KPNA4: variants seen among roughly 807,000 people sequenced by gnomAD.
The protein encoded by KPNA4 is importin subunit alpha-3.
Under a neutral mutation model 71.3 loss-of-function variants are expected in KPNA4, and 13 were observed. The ratio of observed to expected loss-of-function variants is 0.18; its 90% CI spans 0.12 to 0.29. KPNA4 has a LOEUF of 0.29. Among genes scored for constraint, KPNA4 ranks in the 10% least tolerant of loss-of-function variants. The probability of loss-of-function intolerance (pLI) is 1.00; values close to 1 mark genes in which losing one functional copy is unlikely to be tolerated. For synonymous variants in KPNA4, 189 were observed against 195.2 expected, an observed-to-expected ratio of 0.97 and a Z score of 0.26; for missense variants, 334 against 603.2, an observed-to-expected ratio of 0.55 and a Z score of 4.67.
At chr3:160,532,776 A>T (rs1464822035) in intron 5 of KPNA4, among the ~76,000 whole-genome samples, 4 of 152,204 alleles carry the variant, frequency 2.6e-5, no homozygotes, top group Non-Finnish European at 5.9e-5. Flanking sequence ...ACCTAGCTTT[A>T]AACTACTTCA....
At chr3:160,535,082 CTGGA>C (rs1212337166) in intron 5 of KPNA4, among the ~76,000 whole-genome samples, 1 of 152,026 alleles carries the variant, frequency 6.6e-6, no homozygotes, top group Non-Finnish European at 1.5e-5. Flanking sequence ...CATTATAATT[CTGGA>C]TTTATTGTTT....
intron 1 of KPNA4, among the ~76,000 whole-genome samples, chr3:160,540,594 A>G (rs1422035438): frequency 6.6e-6 from 1 of 152,216 alleles, no homozygotes; most frequent in East Asian, 1.9e-4. Context: ...TACTCCAAAC[A>G]ATAGTTGTTC....
intron 5 of KPNA4, among the ~76,000 whole-genome samples, chr3:160,533,420 G>A (rs928093039): frequency 1.3e-5 from 2 of 150,082 alleles, no homozygotes; most frequent in Non-Finnish European, 3.0e-5. Context: ...TCAACACATG[G>A]CACAGTGCTT....
At chr3:160,538,731 T>C (rs1297287332) in intron 1 of KPNA4, among the ~76,000 whole-genome samples, 1 of 152,122 alleles carries the variant, frequency 6.6e-6, no homozygotes, top group African/African-American at 2.4e-5. Flanking sequence ...CCTACCATTA[T>C]CTTCATTCAT....
intron 3 of KPNA4, 29 bp from the exon 4 acceptor site, chr3:160,535,719 G>C: frequency 6.4e-7 from 1 of 1,572,020 alleles, no homozygotes; most frequent in Non-Finnish European, 8.6e-7. Flanking sequence ...AGAAAACTCA[G>C]TTAAAAAGTC....
chr3:160,503,852 A>G (rs1720931147), intron 16 of KPNA4, among the ~76,000 whole-genome samples: 1 of 152,156 alleles, frequency 6.6e-6, no homozygotes, highest in Admixed American at 6.5e-5. Context: ...GGAGGCCAAG[A>G]TGGGAGAATT....
At chr3:160,547,148 A>G (rs1721928535) in intron 1 of KPNA4, among the ~76,000 whole-genome samples, 1 of 152,212 alleles carries the variant, frequency 6.6e-6, no homozygotes, top group South Asian at 2.1e-4. Context: ...CAAATATACA[A>G]ACAAATTTCA....
intron 7 of KPNA4, among the ~76,000 whole-genome samples, chr3:160,529,936 C>A (rs1293165525): frequency 1.3e-5 from 2 of 150,366 alleles, no homozygotes; most frequent in African/African-American, 4.9e-5. Flanking sequence ...GAGACCGAGA[C>A]CATCCTGGCT....
rs1044200207 is a variant in KPNA4, at chr3:160,547,564, T to C, written c.70-10724A>G. ...GTACATTTGTTACAACTGATGAGCC[T>C]ACATGTACTATCACCCACAGTCCAT... On this transcript the variant is annotated intron_variant, in intron 1 of 16. Transcript: ENST00000334256. 3.9e-5 allele frequency among the ~76,000 whole-genome samples: 6 copies of C among 152,234 alleles called. No homozygotes were observed. The South Asian group carries it at 1.2e-3, about 32-fold the overall frequency.
chr3:160,515,660 G>T, intron 11 of KPNA4, 80 bp from the exon 12 acceptor site: 1 of 1,509,306 alleles, frequency 6.6e-7, no homozygotes, highest in Non-Finnish European at 9.0e-7. Context: ...TGTCGCCCAG[G>T]GTAGAGTGCA....
chr3:160,515,603 A>C, intron 11 of KPNA4, 23 bp from the exon 12 acceptor site: 1 of 1,597,984 alleles, frequency 6.3e-7, no homozygotes, highest in Admixed American at 1.8e-5. Context: ...ATGAGATGAC[A>C]TTCTATGTGA....
intron 1 of KPNA4, among the ~76,000 whole-genome samples, chr3:160,550,702 A>G (rs1722023063): frequency 6.6e-6 from 1 of 152,164 alleles, no homozygotes; most frequent in Non-Finnish European, 1.5e-5. Flanking sequence ...GAGTGTTTTT[A>G]TCATGAAAGG....
chr3:160,538,919 T>C (rs1721740526), intron 1 of KPNA4, among the ~76,000 whole-genome samples: 1 of 152,202 alleles, frequency 6.6e-6, no homozygotes, highest in African/African-American at 2.4e-5. Context: ...TCAGTTTCCT[T>C]ATCTATAAAA....
rs1720859392 is a variant in KPNA4 at position 160,500,627 on chromosome 3, T to C, written c.*1477A>G. On this transcript the variant is annotated 3_prime_UTR_variant, in exon 17 of 17. Coordinates refer to ENST00000334256, the MANE Select transcript of KPNA4 (RefSeq NM_002268.5). ...ATAAAAACCACTTGCATAACTTTTA[T>C]GCAAGTTTTAAAAATACAAAGTTTT... The C allele has an allele frequency of 6.6e-6, 1 of 152,618 alleles. No homozygotes were observed. The highest frequency in any genetic ancestry group is 6.5e-5 in the Admixed American group (1 of 15,284). The allele number at this position is 152,618 out of a possible 1,614,324, so 9.5% of individuals were successfully genotyped here. A position where few individuals can be genotyped will look rare whatever the true frequency, so the allele number is the denominator to read the frequency against.
chr3:160,504,700 C>T (rs1002313804), intron 16 of KPNA4, among the ~76,000 whole-genome samples: 3 of 152,000 alleles, frequency 2.0e-5, no homozygotes, highest in African/African-American at 7.2e-5. Flanking sequence ...TATAAAGACA[C>T]CAAGTGAAAA....
chr3:160,510,242 A>C (rs547187649), intron 13 of KPNA4, among the ~76,000 whole-genome samples: 1 of 152,194 alleles, frequency 6.6e-6, no homozygotes, highest in Non-Finnish European at 1.5e-5. Flanking sequence ...TACACACAAA[A>C]ATGATACCCA....
At chr3:160,543,358 C>T (rs1028678907) in intron 1 of KPNA4, among the ~76,000 whole-genome samples, 4 of 151,870 alleles carry the variant, frequency 2.6e-5, no homozygotes, top group East Asian at 1.9e-4. Flanking sequence ...TTTTTTCCCC[C>T]GAGACAGAAT....
chr3:160,563,177 A>C (rs1403111386), intron 1 of KPNA4, among the ~76,000 whole-genome samples: 1 of 148,160 alleles, frequency 6.7e-6, no homozygotes, highest in Non-Finnish European at 1.5e-5. Flanking sequence ...CTGGAGGATC[A>C]TTGGATCATT....
At position 160,521,851 on chromosome 3, in the gene KPNA4, T is replaced by C; in HGVS notation, c.831A>G (p.Ile277Met). 6.2e-7 allele frequency: 1 copy of C among 1,612,916 alleles called. No homozygotes were observed. Among genetic ancestry groups the C allele is most frequent in the Non-Finnish European group, 8.5e-7 (1 of 1,179,500 alleles). ...SYLTDAGNEQ[I>M]QMVIDSGIVP... ...CTATTCCAGAGTCTATTACCATCTG[T>C]ATTTGTTCATTGCCAGCATCAGTAA... The change falls in exon 11 of 17, where the codon ATA (isoleucine) becomes ATG (methionine). Residue 277 changes from isoleucine to methionine, a missense_variant. By Grantham distance (10) the Ile-to-Met change is conservative. Coordinates refer to ENST00000334256, the MANE Select transcript of KPNA4 (RefSeq NM_002268.5).
Sources: gnomAD v4.1 joint callset for allele counts (sites outside exome capture counted in the v4.1 genomes callset) on GRCh38, gnomAD v4.1.1 for gene constraint, MANE v1.5 for transcripts, NCBI Gene and HGNC (gene_info 2026-07-23, HGNC 2026-07-21) for gene names.